Variants in APBB1IP observed in about 807,000 individuals in gnomAD.
APBB1IP encodes amyloid beta A4 precursor protein-binding family B member 1-interacting protein.
A neutral mutation model predicts 64.9 loss-of-function variants in APBB1IP; 27 were observed. The observed-to-expected ratio is 0.42, with a 90% confidence interval of 0.31 to 0.57. The LOEUF is 0.57. Ranked by LOEUF, APBB1IP falls within the 20% of genes least tolerant of loss-of-function variation. The pLI, the probability that APBB1IP is intolerant of heterozygous loss-of-function variation, is 0.20. For synonymous variants in APBB1IP, 392 were observed against 331.0 expected, an observed-to-expected ratio of 1.18 and a Z score of -2.00; for missense variants, 812 against 845.5, an observed-to-expected ratio of 0.96 and a Z score of 0.49.
At chr10:26,560,915 A>G in intron 13 of APBB1IP, 71 bp downstream of exon 13, 2 of 1,191,620 alleles carry the variant, frequency 1.7e-6, no homozygotes, top group Non-Finnish European at 2.4e-6. Context: ...TATCCAATAC[A>G]TCTATACAAA....
intron 9 of APBB1IP, among the ~76,000 whole-genome samples, chr10:26,533,734 GA>G (rs769756029): frequency 6.6e-6 from 1 of 152,092 alleles, no homozygotes; most frequent in Non-Finnish European, 1.5e-5. Flanking sequence ...TGTGGCTTTA[GA>G]TAAATGAAGC....
chr10:26,546,746 A>G (rs1416871909), intron 11 of APBB1IP, among the ~76,000 whole-genome samples: 1 of 152,076 alleles, frequency 6.6e-6, no homozygotes, highest in African/African-American at 2.4e-5. Flanking sequence ...TTTAGATTCC[A>G]CATATGAGTG....
At position 26,489,721 on chromosome 10, in the gene APBB1IP, T is replaced by C. The variant is rs561322158; in HGVS notation, c.1-2606T>C. Among the ~76,000 whole-genome samples the C allele has an allele frequency of 4.6e-5, 7 of 152,316 alleles. No homozygotes were observed. In the South Asian group the frequency reaches 1.4e-3, roughly 32 times the overall value. ...TTTACATCACTTCACTTTTAAGAATTGTGATATTTTTAAAATCATTTGGCT... is the reference window on the plus strand; with the variant it reads ...TTTACATCACTTCACTTTTAAGAATCGTGATATTTTTAAAATCATTTGGCT... On this transcript the variant is annotated intron_variant, in intron 2 of 14. Coordinates refer to ENST00000376236, the MANE Select transcript of APBB1IP (RefSeq NM_019043.4).
intron 4 of APBB1IP, 101 bp from the exon 5 acceptor site, chr10:26,500,718 T>C: frequency 8.9e-7 from 1 of 1,126,334 alleles, no homozygotes. Context: ...ATCAAGATAA[T>C]GATTCCTTTC....
chr10:26,548,226 G>A (rs533843779), intron 11 of APBB1IP, among the ~76,000 whole-genome samples: 1 of 152,160 alleles, frequency 6.6e-6, no homozygotes, highest in African/African-American at 2.4e-5. Context: ...TAGGGTACAT[G>A]TGCACAACGT....
At chr10:26,469,258 CTTTTT>C (rs386361721) in intron 2 of APBB1IP, among the ~76,000 whole-genome samples, 6 of 112,944 alleles carry the variant, frequency 5.3e-5, no homozygotes, top group African/African-American at 1.4e-4. Context: ...CTTTTCTTTT[CTTTTT>C]TTTTTTTTTT....
At chr10:26,452,689 A>G (rs909631407) in intron 2 of APBB1IP, among the ~76,000 whole-genome samples, 2 of 152,076 alleles carry the variant, frequency 1.3e-5, no homozygotes, top group Non-Finnish European at 2.9e-5. Flanking sequence ...TAATTTTTAT[A>G]TATTTAGGGG....
chr10:26,453,278 T>A (rs1296227965), intron 2 of APBB1IP, among the ~76,000 whole-genome samples: 1 of 152,180 alleles, frequency 6.6e-6, no homozygotes, highest in Admixed American at 6.5e-5. Flanking sequence ...ATGGTGTGTT[T>A]ACAGGAGGAG....
intron 4 of APBB1IP, among the ~76,000 whole-genome samples, chr10:26,497,800 C>T (rs1251266656): frequency 1.4e-5 from 2 of 141,002 alleles, no homozygotes; most frequent in Non-Finnish European, 3.0e-5. Context: ...GATCTCTGCT[C>T]ACTGCAACCT....
At chr10:26,451,948 A>C (rs1291110919) in intron 2 of APBB1IP, among the ~76,000 whole-genome samples, 1 of 152,224 alleles carries the variant, frequency 6.6e-6, no homozygotes, top group African/African-American at 2.4e-5. Context: ...ACTTCCTTTC[A>C]AAACAAGGCA....
At chr10:26,481,953 T>A (rs1835840007) in intron 2 of APBB1IP, among the ~76,000 whole-genome samples, 1 of 152,096 alleles carries the variant, frequency 6.6e-6, no homozygotes, top group Non-Finnish European at 1.5e-5. Context: ...ATTTAATGAT[T>A]AGTTTTTTAT....
chr10:26,467,683 A>C (rs190413116), intron 2 of APBB1IP, among the ~76,000 whole-genome samples: 1 of 152,318 alleles, frequency 6.6e-6, no homozygotes, highest in East Asian at 1.9e-4. Flanking sequence ...ACAACACAGC[A>C]AGACTCTGTC....
intron 2 of APBB1IP, among the ~76,000 whole-genome samples, chr10:26,450,255 G>A (rs1055281417): frequency 1.3e-5 from 2 of 152,128 alleles, no homozygotes; most frequent in Non-Finnish European, 2.9e-5. Context: ...AATAATGCCT[G>A]GCATGTAGCA....
intron 2 of APBB1IP, among the ~76,000 whole-genome samples, chr10:26,462,667 A>G (rs1448879085): frequency 1.3e-5 from 2 of 152,126 alleles, no homozygotes; most frequent in African/African-American, 4.8e-5. Context: ...TTTGTAAGTA[A>G]TAGTGATTTG....
chr10:26,499,624 T>C (rs959571500), intron 4 of APBB1IP, among the ~76,000 whole-genome samples: 1 of 152,154 alleles, frequency 6.6e-6, no homozygotes, highest in African/African-American at 2.4e-5. Flanking sequence ...CTATATAATG[T>C]ATGCCTGATC....
At chr10:26,473,571 A>T (rs1462146099) in intron 2 of APBB1IP, among the ~76,000 whole-genome samples, 2 of 152,242 alleles carry the variant, frequency 1.3e-5, no homozygotes, top group Admixed American at 1.3e-4. Flanking sequence ...ACTGAATGAC[A>T]ATTGGATCCT....
At chr10:26,478,363 G>T (rs1835799283) in intron 2 of APBB1IP, among the ~76,000 whole-genome samples, 1 of 152,162 alleles carries the variant, frequency 6.6e-6, no homozygotes, top group African/African-American at 2.4e-5. Flanking sequence ...GGAGGCGGTT[G>T]AGAAGGTAGC....
chr10:26,518,414 G>C (rs949396118), intron 8 of APBB1IP, among the ~76,000 whole-genome samples: 1 of 151,382 alleles, frequency 6.6e-6, no homozygotes, highest in Non-Finnish European at 1.5e-5. Flanking sequence ...CACCTGGCTA[G>C]TTTTGGTATT....
At position 26,567,374 on chromosome 10, in the gene APBB1IP, G is replaced by GC. The variant is rs746254052; in HGVS notation, c.1893dup (p.Lys632GlnfsTer62). On this transcript the variant is annotated frameshift_variant, in exon 15 of 15. Coordinates refer to ENST00000376236, the MANE Select transcript of APBB1IP (RefSeq NM_019043.4). LOFTEE classifies it high-confidence loss of function. ...CCGCGGTGGCCAAGAGGCCTCCTGT[G>GC]CCCCCCAAGAGGCAAGAGAACCCAG... 5.1e-6 allele frequency: 8 copies of GC among 1,569,250 alleles called. No individual in the cohort carries two copies. The highest frequency in any genetic ancestry group is 5.2e-6 in the Non-Finnish European group (6 of 1,153,468).
Sources: allele counts gnomAD v4.1 joint callset (sites outside exome capture counted in the v4.1 genomes callset), GRCh38; gene constraint gnomAD v4.1.1; transcripts MANE v1.5; gene names NCBI Gene and HGNC (gene_info 2026-07-23, HGNC 2026-07-21).